FAH: variants seen among roughly 807,000 people sequenced by gnomAD.
FAH encodes the protein fumarylacetoacetate hydrolase, also known as fumarylacetoacetase.
A neutral mutation model predicts 55.8 loss-of-function variants in FAH; 47 were observed. The observed-to-expected ratio is 0.84, with a 90% CI of 0.67 to 1.07. FAH has a LOEUF of 1.07. Ranked by LOEUF, FAH falls within the 50% of genes least tolerant of loss-of-function variation. The pLI is 0.00. For missense variants in FAH, 495 were observed against 545.9 expected (o/e 0.91, Z 0.93); for synonymous variants, 199 against 207.7 (o/e 0.96, Z 0.36).
chr15:80,180,162 C>T lies in FAH; in HGVS notation c.999C>T (p.His333=), dbSNP rs1315398253. Residue 333 remains histidine, a synonymous_variant, in exon 12 of 14, where the codon CAC becomes CAT. Transcript: ENST00000561421. ...YWTMLQQLTH[H]SVNGCNLRPG... ...CGATGCTGCAGCAGCTCACTCACCA[C>T]TCTGTCAACGGCTGCAACCTGCGGC... The T allele has an allele frequency of 1.2e-6, 2 of 1,610,994 alleles. No homozygotes were observed. Among genetic ancestry groups the T allele is most frequent in the African/African-American group, 2.7e-5 (2 of 74,904 alleles).
At chr15:80,169,824 C>T (rs1012641771) in intron 7 of FAH, among the ~76,000 whole-genome samples, 6 of 152,204 alleles carry the variant, frequency 3.9e-5, no homozygotes, top group South Asian at 2.1e-4. Context: ...TGAGCCACCG[C>T]GCTCGGCCAG....
chr15:80,154,713 AT>A (rs199614995), intron 1 of FAH, among the ~76,000 whole-genome samples: 1 of 151,590 alleles, frequency 6.6e-6, no homozygotes, highest in Non-Finnish European at 1.5e-5. Flanking sequence ...CACTTTATTC[AT>A]TTTTTTTTAT....
chr15:80,152,883 T>C, upstream of FAH: 1 of 601,636 alleles, frequency 1.7e-6, no homozygotes, highest in Non-Finnish European at 3.0e-6. Context: ...GGGCGGGGTG[T>C]TCACGGTGAG....
chr15:80,158,269 T>C (rs2041117183), intron 2 of FAH, 99 bp downstream of exon 2: 1 of 910,666 alleles, frequency 1.1e-6, no homozygotes, highest in African/African-American at 1.6e-5. Flanking sequence ...ATAGAGGTAA[T>C]GCCATCGAAG....
chr15:80,183,882 A>C (rs889539687), intron 13 of FAH, among the ~76,000 whole-genome samples: 6 of 152,222 alleles, frequency 3.9e-5, no homozygotes, highest in Non-Finnish European at 7.3e-5. Flanking sequence ...TAAAGGGTAG[A>C]GCCAGGGTTT....
In FAH at chr15:80,170,734, C is replaced by G. The variant is rs77031996; in HGVS notation, c.607-1415C>G. Among the ~76,000 whole-genome samples, 203 of 152,294 alleles carry G rather than the reference C, an allele frequency of 1.3e-3. 1 individual carries two copies. The highest frequency in any genetic ancestry group is 4.7e-3 in the African/African-American group (194 of 41,558). The stretch of plus-strand genomic sequence containing the variant: ...GGAGAAATGGTTGGGGCAGAGAGCC[C>G]AGGTCACCTGGACTAGTGCTTTTGG... On this transcript the variant is annotated intron_variant, in intron 7 of 13. Coordinates refer to ENST00000561421, the MANE Select transcript of FAH (RefSeq NM_000137.4).
At chr15:80,157,841 T>C (rs2041111860) in intron 1 of FAH, 1 of 593,484 alleles carries the variant, frequency 1.7e-6, no homozygotes, top group Non-Finnish European at 3.0e-6. Flanking sequence ...TTCTTTCCCA[T>C]TCAGGGAACA....
At chr15:80,157,714 C>G in intron 1 of FAH, 2 of 372,152 alleles carry the variant, frequency 5.4e-6, no homozygotes, top group Non-Finnish European at 1.0e-5. Context: ...AGGTGGTAAG[C>G]TCCTCATCAC....
At chr15:80,172,877 G>A in intron 8 of FAH, 137 bp from the exon 9 acceptor site, 1 of 1,168,660 alleles carries the variant, frequency 8.6e-7, no homozygotes. Flanking sequence ...CTTTGTCCTG[G>A]GGCAGCCTGA....
At chr15:80,167,170 G>A (rs973582997) in intron 5 of FAH, 1 of 151,974 alleles carries the variant, frequency 6.6e-6, no homozygotes, top group African/African-American at 2.4e-5. Flanking sequence ...ATTTCCTGGG[G>A]CTGCTGTAAG....
intron 10 of FAH, among the ~76,000 whole-genome samples, chr15:80,176,059 C>T (rs1307646760): frequency 6.6e-6 from 1 of 151,940 alleles, no homozygotes; most frequent in East Asian, 1.9e-4. Flanking sequence ...CTCTTCTTGC[C>T]CAGGCTGGAG....
chr15:80,168,049 C>T lies in FAH; in HGVS notation c.456-3C>T, dbSNP rs2041209085. On this transcript the variant is annotated splice_region_variant and splice_polypyrimidine_tract_variant and intron_variant, in intron 5 of 13. Transcript: ENST00000561421. ...CCTGCATTCTCTTGCCTTCCTTTCT[C>T]AGGCTGCACTTACCAGTGGGCTACC... 2 of 1,613,288 alleles carry T rather than the reference C, an allele frequency of 1.2e-6. No homozygotes were observed. Among genetic ancestry groups the T allele is most frequent in the Non-Finnish European group, 1.7e-6 (2 of 1,179,284 alleles).
intron 10 of FAH, 174 bp from the exon 11 acceptor site, chr15:80,177,363 T>C (rs1595896297): frequency 1.5e-6 from 1 of 651,480 alleles, no homozygotes; most frequent in South Asian, 1.7e-5. Context: ...TGTGCATGTA[T>C]TGGCCAACCC....
Position 80,162,233 on chromosome 15 carries a change from C to A in FAH, c.365-13C>A. Reference sequence around the variant, plus strand: ...GGGTTGCTGATGGGATCTGTTGGGTCTTTCCTCTGCAGGAGACTACACAGA... The same window carrying A: ...GGGTTGCTGATGGGATCTGTTGGGTATTTCCTCTGCAGGAGACTACACAGA... On this transcript the variant is annotated splice_polypyrimidine_tract_variant and intron_variant, in intron 4 of 13. Transcript: ENST00000561421. 1 of 1,611,270 alleles carries A rather than the reference C, an allele frequency of 6.2e-7. No individual in the cohort carries two copies. Among genetic ancestry groups the A allele is most frequent in the Non-Finnish European group, 8.5e-7 (1 of 1,177,544 alleles).
At position 80,159,422 on chromosome 15, in the gene FAH, ACT is replaced by A. The variant is rs200674175; in HGVS notation, c.193-331_193-330del. On this transcript the variant is annotated intron_variant, in intron 2 of 13. Transcript: ENST00000561421. ...AAAGGAATTAGTTTAGGCTGTGATC[ACT>A]CTGCAGACTGGAGTGTGCCTCTACT... Among the ~76,000 whole-genome samples, 6,385 of 151,938 alleles carry A rather than the reference ACT, an allele frequency of 0.042. 218 individuals carry two copies. Among genetic ancestry groups the A allele is most frequent in the East Asian group, 0.087 (447 of 5,130 alleles).
At chr15:80,162,585 C>T in intron 5 of FAH, 1 of 555,038 alleles carries the variant, frequency 1.8e-6, no homozygotes, top group South Asian at 2.0e-5. Flanking sequence ...GAATTAGATT[C>T]CCTTAATCCC....
At chr15:80,154,083 A>G (rs1007376824) in intron 1 of FAH, among the ~76,000 whole-genome samples, 2 of 152,140 alleles carry the variant, frequency 1.3e-5, no homozygotes, top group African/African-American at 4.8e-5. Flanking sequence ...GGTCTAGAAG[A>G]GTCAACTTGT....
At chr15:80,180,634 G>A (rs1044459891) in intron 12 of FAH, among the ~76,000 whole-genome samples, 1 of 152,178 alleles carries the variant, frequency 6.6e-6, no homozygotes, top group African/African-American at 2.4e-5. Flanking sequence ...TGATGACCTT[G>A]GGGTGGTGCA....
chr15:80,160,397 T>A lies in FAH; in HGVS notation c.315-13T>A, dbSNP rs368977838. ...GCCTACTTGACTTTGAAGCCCCTGGTTCTGTGTTTCAGTGCATTCATCTCC... is the reference window on the plus strand; with the variant it reads ...GCCTACTTGACTTTGAAGCCCCTGGATCTGTGTTTCAGTGCATTCATCTCC... On this transcript the variant is annotated splice_polypyrimidine_tract_variant and intron_variant, in intron 3 of 13. Coordinates refer to ENST00000561421, the MANE Select transcript of FAH (RefSeq NM_000137.4). 3.1e-6 allele frequency: 5 copies of A among 1,614,008 alleles called. No homozygotes were observed. The African/African-American group carries it at 6.7e-5, about 22-fold the overall frequency.
Sources: gnomAD v4.1 joint callset for allele counts (sites outside exome capture counted in the v4.1 genomes callset) on GRCh38, gnomAD v4.1.1 for gene constraint, MANE v1.5 for transcripts, NCBI Gene and HGNC (gene_info 2026-07-23, HGNC 2026-07-21) for gene names.